GABRA3: variants seen among roughly 807,000 people sequenced by gnomAD.
GABRA3 encodes gamma-aminobutyric acid type A receptor subunit alpha3, also known as gamma-aminobutyric acid receptor subunit alpha-3.
A neutral mutation model predicts 30.1 loss-of-function variants in GABRA3; 10 were observed. That is an observed-to-expected ratio of 0.33 (90% CI 0.20 to 0.56). GABRA3 has a LOEUF of 0.56. Among genes scored for constraint, GABRA3 ranks in the 20% least tolerant of loss-of-function variants. GABRA3 has a pLI of 0.89. For missense variants in GABRA3, 233 were observed against 392.0 expected (o/e 0.59, Z 3.42); for synonymous variants, 151 against 146.8 (o/e 1.03, Z -0.21).
intron 9 of GABRA3, among the ~76,000 whole-genome samples, chrX:152,173,605 G>GC (rs1316277770): frequency 9.2e-6 from 1 of 109,005 alleles, no homozygotes; most frequent in Non-Finnish European, 1.9e-5. Context: ...TGCCACCGCT[G>GC]CCCCCCTCCC....
At chrX:152,313,105 G>A (rs757753132) in intron 3 of GABRA3, among the ~76,000 whole-genome samples, 4 of 111,558 alleles carry the variant, frequency 3.6e-5, no homozygotes, top group African/African-American at 1.3e-4. Flanking sequence ...TAAATAAAAT[G>A]TATAAAAATA....
chrX:152,282,515 T>A (rs923614479), intron 4 of GABRA3, among the ~76,000 whole-genome samples: 1 of 112,248 alleles, frequency 8.9e-6, no homozygotes, highest in Admixed American at 9.5e-5. Context: ...CGGCTAAAAA[T>A]AATGTGAAAT....
At chrX:152,235,847 A>G (rs918711696) in intron 5 of GABRA3, among the ~76,000 whole-genome samples, 1 of 111,002 alleles carries the variant, frequency 9.0e-6, no homozygotes, top group Non-Finnish European at 1.9e-5. Context: ...TCACAGAAAT[A>G]GAAAGAAATC....
At chrX:152,251,003 T>C in intron 5 of GABRA3, 1 of 243,434 alleles carries the variant, frequency 4.1e-6, no homozygotes, top group Non-Finnish European at 8.1e-6. Context: ...GGTTTGTGAC[T>C]TGAGAAAGGT....
chrX:152,363,529 G>A (rs1928570474), intron 2 of GABRA3, among the ~76,000 whole-genome samples: 1 of 111,325 alleles, frequency 9.0e-6, no homozygotes, highest in African/African-American at 3.3e-5. Flanking sequence ...AAATCTTTTA[G>A]TGCCATTTAT....
chrX:152,358,095 C>A (rs1449201544), intron 2 of GABRA3, among the ~76,000 whole-genome samples: 1 of 111,469 alleles, frequency 9.0e-6, no homozygotes, highest in East Asian at 2.8e-4. Context: ...TAAAGAATGT[C>A]ATTGGTAGTT....
intron 4 of GABRA3, among the ~76,000 whole-genome samples, chrX:152,259,979 G>C (rs1174916095): frequency 1.8e-5 from 2 of 110,712 alleles, no homozygotes; most frequent in Non-Finnish European, 3.8e-5. Flanking sequence ...CAGCATTTCT[G>C]GACCTGCCTT....
At chrX:152,406,362 A>G (rs1603255502) in intron 1 of GABRA3, among the ~76,000 whole-genome samples, 1 of 109,669 alleles carries the variant, frequency 9.1e-6, no homozygotes, top group East Asian at 2.8e-4. Flanking sequence ...AGACACACGT[A>G]GAATGAAAAG....
chrX:152,205,261 T>C (rs1332135854), intron 7 of GABRA3, among the ~76,000 whole-genome samples: 1 of 111,609 alleles, frequency 9.0e-6, no homozygotes, highest in Non-Finnish European at 1.9e-5. Context: ...TCATCACTGA[T>C]AATAGGAGTG....
intron 3 of GABRA3, among the ~76,000 whole-genome samples, chrX:152,303,566 T>C (rs1310504693): frequency 8.9e-6 from 1 of 111,749 alleles, no homozygotes; most frequent in East Asian, 2.8e-4. Flanking sequence ...CCAACCCAAA[T>C]GCCCATCAAT....
intron 3 of GABRA3, among the ~76,000 whole-genome samples, chrX:152,286,449 C>A (rs1939299219): frequency 9.0e-6 from 1 of 110,869 alleles, no homozygotes; most frequent in Non-Finnish European, 1.9e-5. Flanking sequence ...CTGAATTGAG[C>A]ACACTAGTAA....
At chrX:152,252,466 G>GT (rs899314257) in intron 5 of GABRA3, among the ~76,000 whole-genome samples, 34 of 109,804 alleles carry the variant, frequency 3.1e-4, no homozygotes, top group East Asian at 8.7e-4. Context: ...TCGTGTCTCA[G>GT]TTTTTTTTTA....
chrX:152,428,576 A>C (rs768368018), intron 1 of GABRA3, among the ~76,000 whole-genome samples: 3 of 111,877 alleles, frequency 2.7e-5, no homozygotes, highest in Non-Finnish European at 5.6e-5. Context: ...CCCACTGAGC[A>C]TATAACCAGG....
At chrX:152,298,559 A>AT (rs1437503533) in intron 3 of GABRA3, among the ~76,000 whole-genome samples, 1 of 110,243 alleles carries the variant, frequency 9.1e-6, no homozygotes, top group Non-Finnish European at 1.9e-5. Flanking sequence ...TGAACTCATC[A>AT]TTTTTTATGG....
chrX:152,238,494 G>A (rs1472967272), intron 5 of GABRA3, among the ~76,000 whole-genome samples: 1 of 107,288 alleles, frequency 9.3e-6, no homozygotes, highest in Non-Finnish European at 1.9e-5. Flanking sequence ...GTATCAGAAT[G>A]ATGCTGGCCT....
intron 1 of GABRA3, among the ~76,000 whole-genome samples, chrX:152,399,199 A>G (rs1490045260): frequency 9.0e-6 from 1 of 111,692 alleles, no homozygotes; most frequent in African/African-American, 3.3e-5. Context: ...ATAATGCTCA[A>G]ACAGACACAA....
At chrX:152,274,947 T>C (rs370453944) in intron 4 of GABRA3, among the ~76,000 whole-genome samples, 39 of 104,063 alleles carry the variant, frequency 3.7e-4, no homozygotes, top group African/African-American at 1.3e-3. Flanking sequence ...TTGTTATGGG[T>C]AGGGGTAAGA....
At chrX:152,201,702 T>G (rs776680621) in intron 7 of GABRA3, among the ~76,000 whole-genome samples, 11 of 112,391 alleles carry the variant, frequency 9.8e-5, no homozygotes, top group Admixed American at 4.7e-4. Context: ...GAGGATTTTT[T>G]AGCTTGGCAA....
At chrX:152,388,994 C>A (rs376600110) in intron 1 of GABRA3, among the ~76,000 whole-genome samples, 1 of 112,208 alleles carries the variant, frequency 8.9e-6, no homozygotes, top group Non-Finnish European at 1.9e-5. Context: ...TATAATACTT[C>A]ATTCTTAGTA....
Sources: allele counts gnomAD v4.1 joint callset (sites outside exome capture counted in the v4.1 genomes callset), GRCh38; gene constraint gnomAD v4.1.1; transcripts MANE v1.5; gene names NCBI Gene and HGNC (gene_info 2026-07-23, HGNC 2026-07-21).